The following CSMD1 variants were observed in gnomAD, a reference collection of about 807,000 sequenced individuals.
The protein encoded by CSMD1 is CUB and sushi domain-containing protein 1.
CSMD1 carries 213 observed loss-of-function variants against 417.5 expected under a neutral mutation model. The observed-to-expected ratio is 0.51, with a 90% confidence interval of 0.46 to 0.57. The LOEUF (loss-of-function observed/expected upper bound fraction) is 0.57. Among genes scored for constraint, CSMD1 ranks in the 20% least tolerant of loss-of-function variants. CSMD1 has a pLI of 0.00. For synonymous variants in CSMD1, 2,862 were observed against 1,736.8 expected, an observed-to-expected ratio of 1.65 and a Z score of -16.11; for missense variants, 6,923 against 4,529.7, an observed-to-expected ratio of 1.53 and a Z score of -15.17.
intron 21 of CSMD1, among the ~76,000 whole-genome samples, chr8:3,358,764 G>A (rs1258841923): frequency 2.0e-5 from 3 of 152,096 alleles, no homozygotes; most frequent in Non-Finnish European, 2.9e-5. Context: ...CAAGGGACAC[G>A]TGCTGCTTTT....
intron 10 of CSMD1, among the ~76,000 whole-genome samples, chr8:3,569,309 G>C (rs988505986): frequency 2.6e-5 from 4 of 152,192 alleles, no homozygotes; most frequent in African/African-American, 4.8e-5. Context: ...GAGATGCTAA[G>C]ATTCCGCAAG....
intron 5 of CSMD1, among the ~76,000 whole-genome samples, chr8:3,773,768 T>G (rs1198425239): frequency 6.6e-6 from 1 of 152,138 alleles, no homozygotes; most frequent in Non-Finnish European, 1.5e-5. Context: ...CCAGAATAAA[T>G]ATCCAGAATA....
At chr8:2,969,673 C>T (rs925379774) in intron 57 of CSMD1, among the ~76,000 whole-genome samples, 1 of 152,160 alleles carries the variant, frequency 6.6e-6, no homozygotes, top group Non-Finnish European at 1.5e-5. Flanking sequence ...GCTACGCTTC[C>T]TGGAAATGCA....
rs60782594 is a variant in CSMD1, at chr8:4,911,799, G to C, written c.85+82533C>G. 6.7e-3 allele frequency among the ~76,000 whole-genome samples: 1,016 copies of C among 152,168 alleles called. 14 individuals carry two copies. Among genetic ancestry groups the C allele is most frequent in the African/African-American group, 0.023 (957 of 41,522 alleles). On this transcript the variant is annotated intron_variant, in intron 1 of 69. Coordinates refer to ENST00000635120, the MANE Select transcript of CSMD1 (RefSeq NM_033225.6). ...GAAGCCGCCAGATCAATCACTTCTA[G>C]ATTGGAGTTGCTCATTAAACTTCAC...
rs75696340 is a variant in CSMD1 at position 4,501,870 on chromosome 8, A to G, written c.303-81805T>C. The stretch of plus-strand genomic sequence containing the variant: ...ATGTCTGTATAGGAAAAAACATGCT[A>G]CATGCAGGCTTTGGTGCTGTCAAAG... On this transcript the variant is annotated intron_variant, in intron 2 of 69. Coordinates refer to ENST00000635120, the MANE Select transcript of CSMD1 (RefSeq NM_033225.6). 4.0e-3 allele frequency among the ~76,000 whole-genome samples: 615 copies of G among 152,238 alleles called. 4 individuals carry two copies. Among genetic ancestry groups the G allele is most frequent in the African/African-American group, 0.014 (599 of 41,536 alleles).
intron 5 of CSMD1, among the ~76,000 whole-genome samples, chr8:3,762,582 A>G (rs901508734): frequency 9.2e-5 from 14 of 152,348 alleles, no homozygotes; most frequent in Non-Finnish European, 1.8e-4. Context: ...ACAGCCATGT[A>G]GCCATAACAT....
chr8:2,944,942 A>G (rs1249412934), intron 68 of CSMD1, among the ~76,000 whole-genome samples: 2 of 152,222 alleles, frequency 1.3e-5, no homozygotes, highest in African/African-American at 4.8e-5. Context: ...GTGTCACAAG[A>G]CACCTCACAT....
At chr8:4,121,697 C>T (rs1802496890) in intron 3 of CSMD1, among the ~76,000 whole-genome samples, 1 of 150,764 alleles carries the variant, frequency 6.6e-6, no homozygotes, top group South Asian at 2.1e-4. Context: ...AGAGGGTTTT[C>T]ATCATTCTGA....
At chr8:4,251,096 C>A (rs563146195) in intron 3 of CSMD1, among the ~76,000 whole-genome samples, 2 of 152,094 alleles carry the variant, frequency 1.3e-5, no homozygotes, top group African/African-American at 2.4e-5. Context: ...ATTTTCCCTG[C>A]CAAATTTCTG....
At chr8:4,645,692 G>C (rs1240209560) in intron 1 of CSMD1, among the ~76,000 whole-genome samples, 30 of 152,070 alleles carry the variant, frequency 2.0e-4, no homozygotes, top group Admixed American at 1.9e-3. Context: ...GATGATTATT[G>C]TCATTTTTAC....
intron 26 of CSMD1, among the ~76,000 whole-genome samples, chr8:3,241,141 C>T (rs1450894165): frequency 1.3e-5 from 2 of 151,380 alleles, no homozygotes; most frequent in Non-Finnish European, 2.9e-5. Context: ...TAGCTGTAGT[C>T]CAGGAATAGT....
At chr8:3,864,799 G>T (rs1257458516) in intron 5 of CSMD1, among the ~76,000 whole-genome samples, 2 of 152,034 alleles carry the variant, frequency 1.3e-5, no homozygotes, top group South Asian at 2.1e-4. Context: ...AGCTCTTCAG[G>T]GTCTAAAGAG....
At chr8:3,060,757 G>C (rs114647231) in intron 49 of CSMD1, among the ~76,000 whole-genome samples, 1,761 of 152,242 alleles carry the variant, frequency 0.012, 38 homozygotes, top group African/African-American at 0.04. Flanking sequence ...TTAAGAGGTG[G>C]GGCATTTAAA....
chr8:3,096,046 G>A, intron 47 of CSMD1, among the ~76,000 whole-genome samples: 1 of 151,968 alleles, frequency 6.6e-6, no homozygotes, highest in East Asian at 1.9e-4. Flanking sequence ...TTATTTAGAT[G>A]ACAAAAATAC....
At position 4,384,593 on chromosome 8, in the gene CSMD1, A is replaced by G. The variant is rs144302256; in HGVS notation, c.415+35360T>C. ...GCAATGCTACTTAGAAAAGGCATAC[A>G]TTTCTGGAAGAAAAATAAAATAGAA... On this transcript the variant is annotated intron_variant, in intron 3 of 69. Coordinates refer to ENST00000635120, the MANE Select transcript of CSMD1 (RefSeq NM_033225.6). 3.6e-3 allele frequency among the ~76,000 whole-genome samples: 548 copies of G among 152,256 alleles called. 3 individuals carry two copies. Among genetic ancestry groups the G allele is most frequent in the African/African-American group, 0.012 (512 of 41,562 alleles).
intron 3 of CSMD1, among the ~76,000 whole-genome samples, chr8:4,377,234 C>A (rs972532340): frequency 6.6e-6 from 1 of 152,004 alleles, no homozygotes; most frequent in African/African-American, 2.4e-5. Flanking sequence ...AATAATTAAC[C>A]GAGATTAGTA....
intron 21 of CSMD1, 143 bp downstream of exon 21, chr8:3,359,009 C>A (rs558998044): frequency 1.2e-5 from 8 of 691,426 alleles, no homozygotes; most frequent in Non-Finnish European, 1.7e-5. Flanking sequence ...CCCCTCTCCC[C>A]TGGTTGGCAG....
intron 3 of CSMD1, among the ~76,000 whole-genome samples, chr8:4,397,925 A>C (rs1322920300): frequency 1.3e-5 from 2 of 152,290 alleles, no homozygotes; most frequent in African/African-American, 4.8e-5. Flanking sequence ...TTGTTCTTTA[A>C]AACATTCTAG....
rs748385550 is a variant in CSMD1 at position 3,108,706 on chromosome 8, A to G, written c.6651T>C (p.Ser2217=). Residue 2217 remains serine, a synonymous_variant, in exon 44 of 70, where the codon AGT becomes AGC. Coordinates refer to ENST00000635120, the MANE Select transcript of CSMD1 (RefSeq NM_033225.6). Reference sequence around the variant, plus strand: ...ACGCCGTTTCGAGGGCTGTGTTGCCACTGAAAACTCCCAGCTGGGGTGAGT... The same window carrying G: ...ACGCCGTTTCGAGGGCTGTGTTGCCGCTGAAAACTCCCAGCTGGGGTGAGT... ...DQNSPQLGVF[S]GNTALETAYS... 3 of 1,613,502 alleles carry G rather than the reference A, an allele frequency of 1.9e-6. No homozygotes were observed. The highest frequency in any genetic ancestry group is 2.5e-6 in the Non-Finnish European group (3 of 1,179,756).
Sources: gnomAD v4.1 joint callset for allele counts (sites outside exome capture counted in the v4.1 genomes callset) on GRCh38, gnomAD v4.1.1 for gene constraint, MANE v1.5 for transcripts, NCBI Gene and HGNC (gene_info 2026-07-23, HGNC 2026-07-21) for gene names.